The following ZNF583 variants were observed in gnomAD, a reference collection of about 807,000 sequenced individuals.
ZNF583 encodes zinc finger protein 583.
ZNF583 carries 30 observed loss-of-function variants against 55.3 expected under a neutral mutation model. That is an observed-to-expected ratio of 0.54 (90% CI 0.41 to 0.74). The LOEUF (loss-of-function observed/expected upper bound fraction) is 0.74. ZNF583 is among the 30% of genes least tolerant of loss of function. ZNF583 has a pLI of 0.00. For missense variants in ZNF583, 504 were observed against 664.7 expected (o/e 0.76, Z 2.66); for synonymous variants, 208 against 220.0 (o/e 0.95, Z 0.48).
At chr19:56,405,419 G>C (rs1188508264) in intron 1 of ZNF583, among the ~76,000 whole-genome samples, 1 of 152,110 alleles carries the variant, frequency 6.6e-6, no homozygotes, top group African/African-American at 2.4e-5. Flanking sequence ...GAAACTATGT[G>C]GTTTGTTGTC....
chr19:56,423,292 T>G lies in ZNF583; in HGVS notation c.634T>G (p.Leu212Val). ...HRKVYVEKKLLKCNDCEKVFN... is the reference protein window; with the variant it reads ...HRKVYVEKKLVKCNDCEKVFN... Reference sequence around the variant, plus strand: ...GAAAGTCTATGTAGAAAAGAAACTTTTGAAATGTAATGATTGTGAGAAAGT... The same window carrying G: ...GAAAGTCTATGTAGAAAAGAAACTTGTGAAATGTAATGATTGTGAGAAAGT... The change falls in exon 5 of 5, where the codon TTG (leucine) becomes GTG (valine). Residue 212 changes from leucine to valine, a missense_variant. Coordinates refer to ENST00000333201, the MANE Select transcript of ZNF583 (RefSeq NM_152478.3). 1 of 1,608,862 alleles carries G rather than the reference T, an allele frequency of 6.2e-7. No individual in the cohort carries two copies. Among genetic ancestry groups the G allele is most frequent in the South Asian group, 1.1e-5 (1 of 89,814 alleles).
At chr19:56,422,785 G>A (rs1481427541) in intron 4 of ZNF583, 106 bp from the exon 5 acceptor site, 1 of 768,634 alleles carries the variant, frequency 1.3e-6, no homozygotes, top group African/African-American at 1.8e-5. Context: ...TGCATTATAA[G>A]CTTTTAAATC....
intron 4 of ZNF583, among the ~76,000 whole-genome samples, chr19:56,417,449 T>A (rs915451935): frequency 6.6e-6 from 1 of 152,204 alleles, no homozygotes; most frequent in African/African-American, 2.4e-5. Flanking sequence ...TTTTCATATG[T>A]TTACTGGCCA....
In ZNF583 at chr19:56,426,927, T is replaced by C. The variant is rs1420330954; in HGVS notation, c.*2559T>C. ...ATTCTATTATACACATAGAACAATG[T>C]AAATGATTCTTAAAAAAAAAAAAAA... On this transcript the variant is annotated 3_prime_UTR_variant, in exon 5 of 5. Transcript: ENST00000333201. 8.1e-6 allele frequency: 1 copy of C among 123,946 alleles called. No homozygotes were observed. Among genetic ancestry groups the C allele is most frequent in the Non-Finnish European group, 1.7e-5 (1 of 60,062 alleles). 7.7% of individuals were successfully genotyped at this position (123,946 alleles called of 1,614,324 possible).
chr19:56,406,188 G>A (rs1353496048), intron 1 of ZNF583, among the ~76,000 whole-genome samples: 2 of 152,150 alleles, frequency 1.3e-5, no homozygotes, highest in African/African-American at 2.4e-5. Context: ...CTCTTTGATC[G>A]AGTGTCCACC....
Position 56,424,572 on chromosome 19 carries a change from C to G in ZNF583, c.*204C>G. On this transcript the variant is annotated 3_prime_UTR_variant, in exon 5 of 5. Coordinates refer to ENST00000333201, the MANE Select transcript of ZNF583 (RefSeq NM_152478.3). ...TCTCATTTCTCCCTCATTAAAATCC[C>G]TCAGTGGCATCCCATGGTTTTTAAG... 2.0e-6 allele frequency: 1 copy of G among 496,356 alleles called. No homozygotes were observed. The highest frequency in any genetic ancestry group is 3.4e-5 in the South Asian group (1 of 29,710). The allele number at this position is 496,356 out of a possible 1,614,324, so 30.7% of individuals were successfully genotyped here. A position where few individuals can be genotyped will look rare whatever the true frequency, so the allele number is the denominator to read the frequency against.
chr19:56,410,132 T>C (rs1354968069), intron 2 of ZNF583, among the ~76,000 whole-genome samples: 1 of 152,184 alleles, frequency 6.6e-6, no homozygotes, highest in African/African-American at 2.4e-5. Context: ...TCTTCCTGTG[T>C]TTTCATGCTT....
rs751691628 is a variant in ZNF583, at chr19:56,422,924, C to G, written c.266C>G (p.Ser89Ter). ...WEYVFKNSEF[S>*]SKQETYEESS... ...TATGTATTTAAAAACAGTGAATTTT[C>G]ATCAAAGCAAGAGACATATGAAGAA... The change falls in exon 5 of 5, where the codon TCA (serine) becomes TGA (stop). Residue 89 changes from serine (S) to a stop codon, truncating the protein, a stop_gained. Coordinates refer to ENST00000333201, the MANE Select transcript of ZNF583 (RefSeq NM_152478.3). LOFTEE classifies it high-confidence loss of function. 6.2e-7 allele frequency: 1 copy of G among 1,606,858 alleles called. No individual in the cohort carries two copies. The highest frequency in any genetic ancestry group is 8.5e-7 in the Non-Finnish European group (1 of 1,177,678).
In ZNF583 at chr19:56,426,491, T is replaced by C. The variant is rs1167213729; in HGVS notation, c.*2123T>C. The C allele has an allele frequency of 1.3e-5, 2 of 152,154 alleles. No homozygotes were observed. The highest frequency in any genetic ancestry group is 1.9e-4 in the East Asian group (1 of 5,202). The allele number at this position is 152,154 out of a possible 1,614,324, so 9.4% of individuals were successfully genotyped here. A position where few individuals can be genotyped will look rare whatever the true frequency, so the allele number is the denominator to read the frequency against. Reference sequence around the variant, plus strand: ...ATCAAAGATAGTAAAAGATACAATATTTTTTAAACCTAAGAATGGGAGAAA... The same window carrying C: ...ATCAAAGATAGTAAAAGATACAATACTTTTTAAACCTAAGAATGGGAGAAA... On this transcript the variant is annotated 3_prime_UTR_variant, in exon 5 of 5. Transcript: ENST00000333201.
intron 4 of ZNF583, 122 bp from the exon 5 acceptor site, chr19:56,422,769 T>A: frequency 1.6e-6 from 1 of 616,902 alleles, no homozygotes; most frequent in Non-Finnish European, 2.6e-6. Context: ...TGTCATTATT[T>A]TAGAATGCAT....
rs2042446401 is a variant in ZNF583 at position 56,423,222 on chromosome 19, A to G, written c.564A>G (p.Pro188=). Residue 188 remains proline (P), a synonymous_variant, in exon 5 of 5, where the codon CCA becomes CCG. Transcript: ENST00000333201. ...AAGAAAAAGCACATAAGCATGAACCACAAAAGAAAAGTTACCGAAAAAAAT... is the reference window on the plus strand; with the variant it reads ...AAGAAAAAGCACATAAGCATGAACCGCAAAAGAAAAGTTACCGAAAAAAAT... The part of the protein sequence containing the change: ...PTKEKAHKHE[P]QKKSYRKKSV... 1.9e-6 allele frequency: 3 copies of G among 1,612,878 alleles called. No individual in the cohort carries two copies. Among genetic ancestry groups the G allele is most frequent in the African/African-American group, 1.3e-5 (1 of 74,838 alleles).
intron 4 of ZNF583, among the ~76,000 whole-genome samples, chr19:56,418,947 T>G (rs1041460228): frequency 6.6e-6 from 1 of 152,166 alleles, no homozygotes; most frequent in Non-Finnish European, 1.5e-5. Context: ...TTGCTGATAA[T>G]TTTTATAATA....
intron 2 of ZNF583, among the ~76,000 whole-genome samples, chr19:56,409,552 T>G (rs2042206408): frequency 6.6e-6 from 1 of 152,114 alleles, no homozygotes; most frequent in African/African-American, 2.4e-5. Context: ...CCCAGGCTGG[T>G]TTTGAACTTC....
chr19:56,424,307 T>C lies in ZNF583; in HGVS notation c.1649T>C (p.Leu550Pro), dbSNP rs2042470287. The C allele has an allele frequency of 7.5e-6, 12 of 1,607,246 alleles. No individual in the cohort carries two copies. Among genetic ancestry groups the C allele is most frequent in the Middle Eastern group, 1.7e-4 (1 of 6,052 alleles). ...CATACTATGGAGTCATTCTTGACTC[T>C]TTCCTCTCCCTCACCCTCCACATCA... is the stretch of plus-strand genomic sequence containing the variant. The part of the protein sequence containing the change: ...RIHTMESFLT[L>P]SSPSPSTSNQ... The change falls in exon 5 of 5, where the codon CTT (leucine) becomes CCT (proline). Residue 550 changes from leucine (L) to proline (P), a missense_variant. Physicochemically the swap from Leu to Pro is moderately conservative, Grantham distance 98. Around this residue, in one of 3 missense-constraint regions of ZNF583, gnomAD observed 63 missense variants for 56.5 expected, o/e 1.11. Coordinates refer to ENST00000333201, the MANE Select transcript of ZNF583 (RefSeq NM_152478.3).
intron 2 of ZNF583, among the ~76,000 whole-genome samples, chr19:56,407,370 G>C (rs1013503646): frequency 1.3e-5 from 2 of 152,174 alleles, no homozygotes; most frequent in Non-Finnish European, 2.9e-5. Context: ...TCTGTTAGAA[G>C]CTTTCAAGAT....
In ZNF583 at chr19:56,423,868, G is replaced by A. The variant is rs1463766838; in HGVS notation, c.1210G>A (p.Gly404Arg). Residue 404 changes from glycine to arginine, a missense_variant, in exon 5 of 5, where the codon GGA becomes AGA. Transcript: ENST00000333201. ...HLAQHQRVHT[G>R]EKPYECKVCR... ...TGCTCAACATCAGAGAGTTCATACTGGAGAAAAACCTTATGAATGTAAAGT... is the reference window on the plus strand; with the variant it reads ...TGCTCAACATCAGAGAGTTCATACTAGAGAAAAACCTTATGAATGTAAAGT... 1 of 1,613,966 alleles carries A rather than the reference G, an allele frequency of 6.2e-7. No individual in the cohort carries two copies. Among genetic ancestry groups the A allele is most frequent in the Non-Finnish European group, 8.5e-7 (1 of 1,179,962 alleles).
intron 4 of ZNF583, among the ~76,000 whole-genome samples, chr19:56,420,492 C>T (rs1454425196): frequency 1.3e-5 from 2 of 152,058 alleles, no homozygotes; most frequent in Non-Finnish European, 2.9e-5. Context: ...CTAGTTTTGT[C>T]AGTTTCTGAG....
In ZNF583 at chr19:56,407,050, C is replaced by T; in HGVS notation, c.-65C>T. 1.3e-6 allele frequency: 2 copies of T among 1,594,826 alleles called. No individual in the cohort carries two copies. The highest frequency in any genetic ancestry group is 1.1e-5 in the South Asian group (1 of 90,034). On this transcript the variant is annotated 5_prime_UTR_variant, in exon 2 of 5. Coordinates refer to ENST00000333201, the MANE Select transcript of ZNF583 (RefSeq NM_152478.3). ...GCTCGACTTTCTCAGGATACTGTCC[C>T]TCTCCCACAGAGGAGCTGAAGGAGT...
rs2042467502 is a variant in ZNF583 at position 56,424,207 on chromosome 19, G to C, written c.1549G>C (p.Glu517Gln). 1.2e-6 allele frequency: 2 copies of C among 1,613,822 alleles called. No individual in the cohort carries two copies. The highest frequency in any genetic ancestry group is 1.7e-6 in the Non-Finnish European group (2 of 1,180,000). Residue 517 changes from glutamate (E) to glutamine (Q), a missense_variant, in exon 5 of 5, where the codon GAA becomes CAA. Glu to Gln is a conservative substitution (Grantham distance 29). Coordinates refer to ENST00000333201, the MANE Select transcript of ZNF583 (RefSeq NM_152478.3). ...TCTACATCAGAGAATTCATACTGGA[G>C]AAAGACCCTATGAATGTAAAGATTG... ...LTLHQRIHTG[E>Q]RPYECKDCRK...
Sources: gnomAD v4.1 joint callset for allele counts (sites outside exome capture counted in the v4.1 genomes callset) on GRCh38, gnomAD v4.1.1 for gene constraint, gnomAD v4.1.1 regional missense constraint, MANE v1.5 for transcripts, NCBI Gene and HGNC (gene_info 2026-07-23, HGNC 2026-07-21) for gene names.